Variants in BMPR1B observed in about 807,000 individuals in gnomAD.
BMPR1B encodes the protein bone morphogenetic protein receptor type-1B.
Under a neutral mutation model 59.1 loss-of-function variants are expected in BMPR1B, and 12 were observed. That is an observed-to-expected ratio of 0.20 (90% CI 0.13 to 0.33). The LOEUF is 0.33. Ranked by LOEUF, BMPR1B falls within the 10% of genes least tolerant of loss-of-function variation. The pLI, the probability that BMPR1B is intolerant of heterozygous loss-of-function variation, is 1.00. For missense variants in BMPR1B, 550 were observed against 610.9 expected (o/e 0.90, Z 1.05); for synonymous variants, 237 against 207.3 (o/e 1.14, Z -1.23).
chr4:94,769,299 A>G (rs549769277), intron 1 of BMPR1B, among the ~76,000 whole-genome samples: 53 of 152,338 alleles, frequency 3.5e-4, no homozygotes, highest in African/African-American at 1.2e-3. Context: ...GTCCTGCTCT[A>G]AAGAGAAAGA....
chr4:95,081,854 A>G (rs895458255), intron 3 of BMPR1B, among the ~76,000 whole-genome samples: 4 of 152,204 alleles, frequency 2.6e-5, no homozygotes, highest in African/African-American at 9.6e-5. Context: ...TTGAGTGCAG[A>G]AGCAAACATC....
chr4:94,878,105 C>G (rs139613526), intron 2 of BMPR1B, among the ~76,000 whole-genome samples: 1 of 151,970 alleles, frequency 6.6e-6, no homozygotes, highest in African/African-American at 2.4e-5. Context: ...TATTCCTGAC[C>G]GTGGAATAAT....
intron 2 of BMPR1B, among the ~76,000 whole-genome samples, chr4:94,929,853 A>G (rs570989391): frequency 6.6e-6 from 1 of 152,080 alleles, no homozygotes; most frequent in East Asian, 1.9e-4. Context: ...GTCCCAAGCT[A>G]ACCTCGTCTT....
chr4:94,970,318 T>TTTCTCTTTCTCTC (rs1730738378), intron 2 of BMPR1B, among the ~76,000 whole-genome samples: 1 of 130,404 alleles, frequency 7.7e-6, no homozygotes, highest in Admixed American at 7.8e-5. Flanking sequence ...CTCTCTCTCT[T>TTTCTCTTTCTCTC]TCTCTCTTTT....
At chr4:95,123,424 T>C (rs942981777) in intron 6 of BMPR1B, among the ~76,000 whole-genome samples, 1 of 152,132 alleles carries the variant, frequency 6.6e-6, no homozygotes, top group Non-Finnish European at 1.5e-5. Flanking sequence ...TGGTATAGAG[T>C]ACTCCAGAGA....
At chr4:94,842,564 T>G (rs1388508415) in intron 1 of BMPR1B, among the ~76,000 whole-genome samples, 1 of 152,216 alleles carries the variant, frequency 6.6e-6, no homozygotes, top group Admixed American at 6.5e-5. Context: ...AGGATACTTT[T>G]TTTTTTCCTG....
intron 1 of BMPR1B, among the ~76,000 whole-genome samples, chr4:94,865,380 C>T (rs958366038): frequency 1.3e-5 from 2 of 150,548 alleles, no homozygotes; most frequent in East Asian, 2.0e-4. Context: ...CAAACCTGTT[C>T]ATGCTGGGTT....
chr4:95,136,851 C>G (rs916612831), intron 10 of BMPR1B, among the ~76,000 whole-genome samples: 2 of 152,046 alleles, frequency 1.3e-5, no homozygotes, highest in African/African-American at 4.8e-5. Context: ...TTGATCTTTT[C>G]AAAACACCAA....
intron 3 of BMPR1B, among the ~76,000 whole-genome samples, chr4:95,081,413 T>A (rs144248988): frequency 2.0e-5 from 3 of 152,304 alleles, no homozygotes; most frequent in Non-Finnish European, 4.4e-5. Flanking sequence ...CAGAAATGAA[T>A]GAATTGAGCT....
intron 2 of BMPR1B, among the ~76,000 whole-genome samples, chr4:94,947,929 C>A (rs911400652): frequency 2.4e-4 from 36 of 152,326 alleles, no homozygotes; most frequent in African/African-American, 7.7e-4. Flanking sequence ...ATGACTACTG[C>A]TGCTGGTACT....
chr4:94,858,665 C>T (rs1725863267), intron 1 of BMPR1B, among the ~76,000 whole-genome samples: 1 of 152,100 alleles, frequency 6.6e-6, no homozygotes, highest in Non-Finnish European at 1.5e-5. Context: ...TTGTTTTAAT[C>T]AAAGTTTGAA....
intron 3 of BMPR1B, among the ~76,000 whole-genome samples, chr4:95,072,596 A>G (rs542014867): frequency 6.6e-6 from 1 of 152,248 alleles, no homozygotes; most frequent in South Asian, 2.1e-4. Flanking sequence ...CTTCACCATG[A>G]TATTTTTCAT....
In BMPR1B at chr4:95,125,032, G is replaced by C. The variant is rs752156962; in HGVS notation, c.496G>C (p.Asp166His). The C allele has an allele frequency of 6.2e-7, 1 of 1,613,696 alleles. No homozygotes were observed. The highest frequency in any genetic ancestry group is 8.5e-7 in the Non-Finnish European group (1 of 1,179,684). Residue 166 changes from aspartate to histidine, a missense_variant, in exon 8 of 13, where the codon GAT (aspartate) becomes CAT (histidine). Asp to His is a moderately conservative substitution (Grantham distance 81). This residue lies in a region of BMPR1B where 318 missense variants were observed against 284.6 expected (regional missense o/e 1.12). Transcript: ENST00000515059. Reference sequence around the variant, plus strand: ...TCGATACAGCATTGGGTTAGAACAGGATGAAACTTACATTCCTCCTGGAGA... The same window carrying C: ...TCGATACAGCATTGGGTTAGAACAGCATGAAACTTACATTCCTCCTGGAGA... The part of the protein sequence containing the change: ...RPRYSIGLEQ[D>H]ETYIPPGESL...
At chr4:95,101,752 GA>G (rs200029515) in intron 3 of BMPR1B, among the ~76,000 whole-genome samples, 7 of 151,180 alleles carry the variant, frequency 4.6e-5, no homozygotes, top group Non-Finnish European at 8.9e-5. Flanking sequence ...ATTTTGTCCA[GA>G]AAAAAAAATG....
At chr4:95,045,380 C>T (rs1322115591) in intron 3 of BMPR1B, among the ~76,000 whole-genome samples, 2 of 152,144 alleles carry the variant, frequency 1.3e-5, no homozygotes, top group Non-Finnish European at 2.9e-5. Flanking sequence ...GACATTGCTT[C>T]CCATGTGTGT....
At chr4:95,054,396 G>A (rs1726765846) in intron 3 of BMPR1B, among the ~76,000 whole-genome samples, 1 of 152,146 alleles carries the variant, frequency 6.6e-6, no homozygotes, top group African/African-American at 2.4e-5. Context: ...GGAGGCATGA[G>A]TACATCTTGG....
intron 1 of BMPR1B, among the ~76,000 whole-genome samples, chr4:94,798,597 C>T (rs989192025): frequency 1.3e-5 from 2 of 152,206 alleles, no homozygotes; most frequent in African/African-American, 2.4e-5. Flanking sequence ...CATCGTCCTT[C>T]ATATGTGTTT....
rs1425911278 is a variant in BMPR1B at position 94,949,409 on chromosome 4, C to T, written c.-112-46631C>T. Among the ~76,000 whole-genome samples, 9 of 103,076 alleles carry T rather than the reference C, an allele frequency of 8.7e-5. 1 individual carries two copies. The highest frequency in any genetic ancestry group is 2.7e-4 in the Admixed American group (3 of 11,302). The allele number at this position is 103,076 out of a possible 152,430, so 67.6% of individuals were successfully genotyped here. A position where few individuals can be genotyped will look rare whatever the true frequency, so the allele number is the denominator to read the frequency against. ...TCGGCTCACTGCAAGCTCTGCTTCC[C>T]GGGTTCACGCCATTCTCCTGCCTCA... On this transcript the variant is annotated intron_variant, in intron 2 of 12. Coordinates refer to ENST00000515059, the MANE Select transcript of BMPR1B (RefSeq NM_001203.3).
intron 3 of BMPR1B, among the ~76,000 whole-genome samples, chr4:95,097,041 A>G (rs1220953154): frequency 1.4e-5 from 2 of 145,550 alleles, no homozygotes; most frequent in South Asian, 2.1e-4. Context: ...TAATATAGTT[A>G]TATACATAAC....
Sources: gnomAD v4.1 joint callset for allele counts (sites outside exome capture counted in the v4.1 genomes callset) on GRCh38, gnomAD v4.1.1 for gene constraint, gnomAD v4.1.1 regional missense constraint, MANE v1.5 for transcripts, NCBI Gene and HGNC (gene_info 2026-07-23, HGNC 2026-07-21) for gene names.